The following CRISP2 variants were observed in gnomAD, a reference collection of about 807,000 sequenced individuals.
CRISP2 encodes cysteine-rich secretory protein 2.
In CRISP2, 29 loss-of-function variants were observed where a neutral mutation model predicts 31.7. The observed-to-expected ratio is 0.92, with a 90% CI of 0.68 to 1.25. The LOEUF is 1.25. Among genes scored for constraint, CRISP2 ranks in the 50% most tolerant of loss-of-function variants. CRISP2 has a pLI of 0.00. For synonymous variants in CRISP2, 111 were observed against 101.4 expected (o/e 1.09, Z -0.57); for missense variants, 318 against 286.5 (o/e 1.11, Z -0.79).
the CRISP2 span, among the ~76,000 whole-genome samples, chr6:49,679,406 A>C: frequency 0.019 from 2,834 of 152,234 alleles, 36 homozygotes; most frequent in Non-Finnish European, 0.026. Context: ...TTTTATCATG[A>C]CAAGTTATTT....
chr6:49,698,006 G>A (rs1275113556), intron 7 of CRISP2, 49 bp from the exon 8 acceptor site: 1 of 1,379,026 alleles, frequency 7.3e-7, no homozygotes, highest in South Asian at 1.4e-5. Flanking sequence ...TAGAGAAGAT[G>A]AAAAATATTT....
rs1171406187 is a variant in CRISP2, at chr6:49,697,804, T to TA, written c.515+55dup. 16 of 1,604,858 alleles carry TA rather than the reference T, an allele frequency of 1.0e-5. No homozygotes were observed. In the Admixed American group the frequency reaches 2.7e-4, roughly 27 times the overall value. ...TTCTGGTTTAAGATATGAGAATTAT[T>TA]AAAAAATAAATTGCAGATAGAATTA... is the stretch of plus-strand genomic sequence containing the variant. On this transcript the variant is annotated intron_variant, in intron 8 of 9. Transcript: ENST00000339139.
In CRISP2 at chr6:49,697,934, C is replaced by T. The variant is rs965846256; in HGVS notation, c.441G>A (p.Gln147=). 4 of 1,607,544 alleles carry T rather than the reference C, an allele frequency of 2.5e-6. No homozygotes were observed. In the Admixed American group the frequency reaches 5.1e-5, roughly 20 times the overall value. The change falls in exon 8 of 10, where the codon CAG becomes CAA. Residue 147 remains glutamine (Q), a synonymous_variant. Coordinates refer to ENST00000339139, the MANE Select transcript of CRISP2 (RefSeq NM_003296.4). ...GACAGTAGGCAATTCCACAGCCTAC[C>T]TGGTAAGTCGAGTACCAAACAAGCT... The part of the protein sequence containing the change: ...YTQLVWYSTY[Q]VGCGIAYCPN...
chr6:49,694,004 A>G (rs1401245880), intron 9 of CRISP2, among the ~76,000 whole-genome samples: 1 of 152,168 alleles, frequency 6.6e-6, no homozygotes, highest in African/African-American at 2.4e-5. Flanking sequence ...GTGGATTACT[A>G]TCTCAATATC....
chr6:49,705,480 C>G (rs1448563771), intron 4 of CRISP2, among the ~76,000 whole-genome samples: 1 of 152,108 alleles, frequency 6.6e-6, no homozygotes, highest in Non-Finnish European at 1.5e-5. Flanking sequence ...GGCCTTTCCC[C>G]ATTTCCCACC....
intron 9 of CRISP2, among the ~76,000 whole-genome samples, chr6:49,695,484 T>C (rs1219748337): frequency 6.6e-6 from 1 of 152,188 alleles, no homozygotes; most frequent in African/African-American, 2.4e-5. Context: ...GATTTATACA[T>C]TTTGATTCCT....
chr6:49,708,967 A>G lies in CRISP2; in HGVS notation c.66+164T>C, dbSNP rs1287706455. ...ACACATGCAGAACACATACAGCATA[A>G]CCTTGGCCTTTCATCTCAATAATTG... On this transcript the variant is annotated intron_variant, in intron 4 of 9. Coordinates refer to ENST00000339139, the MANE Select transcript of CRISP2 (RefSeq NM_003296.4). Among the ~76,000 whole-genome samples the G allele has an allele frequency of 1.6e-4, 24 of 152,158 alleles. 1 individual carries two copies. Among genetic ancestry groups the G allele is most frequent in the Non-Finnish European group, 4.4e-5 (3 of 68,028 alleles).
intron 4 of CRISP2, among the ~76,000 whole-genome samples, chr6:49,701,875 G>A (rs1248241010): frequency 3.3e-5 from 3 of 90,648 alleles, no homozygotes; most frequent in Non-Finnish European, 4.1e-5. Flanking sequence ...TATATATTAT[G>A]TATTATATAT....
At chr6:49,685,232 G>T in the CRISP2 span, among the ~76,000 whole-genome samples, 11 of 152,204 alleles carry the variant, frequency 7.2e-5, no homozygotes, top group Non-Finnish European at 1.5e-4. Context: ...GTCACACTGT[G>T]TTCCTTTAGA....
At chr6:49,680,150 G>A in the CRISP2 span, among the ~76,000 whole-genome samples, 1 of 152,034 alleles carries the variant, frequency 6.6e-6, no homozygotes, top group East Asian at 1.9e-4. Context: ...TCTCCCTCCT[G>A]CATCCTCCAC....
intron 4 of CRISP2, among the ~76,000 whole-genome samples, chr6:49,708,670 C>T (rs1422804582): frequency 1.3e-5 from 2 of 152,130 alleles, no homozygotes; most frequent in Admixed American, 6.5e-5. Context: ...TTCTGGCCTC[C>T]ATAACTGTGA....
At chr6:49,694,410 G>C (rs1764389502) in intron 9 of CRISP2, among the ~76,000 whole-genome samples, 1 of 152,112 alleles carries the variant, frequency 6.6e-6, no homozygotes. Flanking sequence ...ATTCCTTTTT[G>C]GTGCTATGGT....
At chr6:49,700,232 C>T (rs1765436664) in intron 5 of CRISP2, among the ~76,000 whole-genome samples, 1 of 152,076 alleles carries the variant, frequency 6.6e-6, no homozygotes, top group African/African-American at 2.4e-5. Context: ...AGATGGCCAA[C>T]GTTATTTCCA....
At chr6:49,678,145 T>C in the CRISP2 span, among the ~76,000 whole-genome samples, 1 of 152,108 alleles carries the variant, frequency 6.6e-6, no homozygotes, top group African/African-American at 2.4e-5. Context: ...ATATCTAAAA[T>C]AGAATACTAG....
chr6:49,701,986 A>G, intron 4 of CRISP2, among the ~76,000 whole-genome samples: 1 of 57,576 alleles, frequency 1.7e-5, no homozygotes, highest in African/African-American at 8.0e-5. Flanking sequence ...AATATATATA[A>G]TATAATATAT....
intron 3 of CRISP2, among the ~76,000 whole-genome samples, chr6:49,710,126 G>T (rs192879112): frequency 1.3e-5 from 2 of 152,104 alleles, no homozygotes; most frequent in African/African-American, 4.8e-5. Flanking sequence ...AGAAAATTCC[G>T]AACAATTTAT....
At chr6:49,682,397 C>A in the CRISP2 span, among the ~76,000 whole-genome samples, 1 of 152,058 alleles carries the variant, frequency 6.6e-6, no homozygotes. Flanking sequence ...GTTCTAGCAA[C>A]CATATAACAT....
chr6:49,698,514 G>A lies in CRISP2; in HGVS notation c.272-7C>T, dbSNP rs536681287. ...TTCTCACCACATCTTGTACCTAAGG[G>A]GCAGATCATTCATGAGCAAGGTAAT... On this transcript the variant is annotated splice_region_variant and splice_polypyrimidine_tract_variant and intron_variant, in intron 6 of 9. Transcript: ENST00000339139. 2 of 1,597,600 alleles carry A rather than the reference G, an allele frequency of 1.3e-6. No individual in the cohort carries two copies. The highest frequency in any genetic ancestry group is 1.4e-5 in the African/African-American group (1 of 73,866).
At chr6:49,704,062 T>G (rs1766572268) in intron 4 of CRISP2, among the ~76,000 whole-genome samples, 1 of 152,140 alleles carries the variant, frequency 6.6e-6, no homozygotes, top group Non-Finnish European at 1.5e-5. Flanking sequence ...TTTTATCATT[T>G]TTTTGTCTTT....
Sources: allele counts gnomAD v4.1 joint callset (sites outside exome capture counted in the v4.1 genomes callset), GRCh38; gene constraint gnomAD v4.1.1; transcripts MANE v1.5; gene names NCBI Gene and HGNC (gene_info 2026-07-23, HGNC 2026-07-21).